C1QTNF7: variants seen among roughly 807,000 people sequenced by gnomAD.
C1QTNF7 encodes the protein C1q and TNF related 7.
Under a neutral mutation model 19.6 loss-of-function variants are expected in C1QTNF7, and 15 were observed. The ratio of observed to expected loss-of-function variants is 0.76; its 90% CI spans 0.51 to 1.18. C1QTNF7 has a LOEUF of 1.18. Ranked by LOEUF, C1QTNF7 falls within the 50% of genes most tolerant of loss-of-function variation. C1QTNF7 has a pLI of 0.00. For missense variants in C1QTNF7, 324 were observed against 359.7 expected (o/e 0.90, Z 0.80); for synonymous variants, 142 against 137.5 (o/e 1.03, Z -0.23).
At chr4:15,438,988 G>C (rs1483915908) in intron 2 of C1QTNF7, among the ~76,000 whole-genome samples, 3 of 152,206 alleles carry the variant, frequency 2.0e-5, no homozygotes, top group Non-Finnish European at 4.4e-5. Context: ...GAAATGGCAT[G>C]GAAGAAGAAA....
intron 1 of C1QTNF7, among the ~76,000 whole-genome samples, chr4:15,365,795 C>T (rs572173578): frequency 6.6e-6 from 1 of 152,170 alleles, no homozygotes; most frequent in Non-Finnish European, 1.5e-5. Flanking sequence ...GCAAAAGGGA[C>T]TCCTCCCTCC....
intron 1 of C1QTNF7, among the ~76,000 whole-genome samples, chr4:15,397,394 C>T (rs916898928): frequency 6.6e-6 from 1 of 152,244 alleles, no homozygotes; most frequent in African/African-American, 2.4e-5. Context: ...CTGCAACCTC[C>T]TGGGCCTAAG....
At chr4:15,361,806 A>G (rs1312973777) in intron 1 of C1QTNF7, among the ~76,000 whole-genome samples, 1 of 152,204 alleles carries the variant, frequency 6.6e-6, no homozygotes, top group Non-Finnish European at 1.5e-5. Context: ...ATTGCTATGT[A>G]TGAGTAGACG....
rs1712847030 is a variant in C1QTNF7, at chr4:15,442,956, A to G, written c.*157A>G. 1 of 699,106 alleles carries G rather than the reference A, an allele frequency of 1.4e-6. No individual in the cohort carries two copies. Among genetic ancestry groups the G allele is most frequent in the Non-Finnish European group, 2.2e-6 (1 of 457,908 alleles). The allele number at this position is 699,106 out of a possible 1,614,324, so 43.3% of individuals were successfully genotyped here. A position where few individuals can be genotyped will look rare whatever the true frequency, so the allele number is the denominator to read the frequency against. On this transcript the variant is annotated 3_prime_UTR_variant, in exon 3 of 3. Transcript: ENST00000444304. ...TATCAAAACAAGATGAAACACAGAA[A>G]AGTTGAAACCACAACAAAATGAATT... is the stretch of plus-strand genomic sequence containing the variant.
intron 1 of C1QTNF7, among the ~76,000 whole-genome samples, chr4:15,385,940 A>G (rs1718320423): frequency 6.6e-6 from 1 of 152,268 alleles, no homozygotes; most frequent in Non-Finnish European, 1.5e-5. Context: ...CACGATAATA[A>G]AATGAAATTA....
intron 1 of C1QTNF7, among the ~76,000 whole-genome samples, chr4:15,384,100 T>G (rs1422721659): frequency 6.6e-6 from 1 of 152,132 alleles, no homozygotes; most frequent in Non-Finnish European, 1.5e-5. Flanking sequence ...CAAGTGAAGA[T>G]GGGTAGGAAT....
At chr4:15,362,585 A>C (rs1474082056) in intron 1 of C1QTNF7, 2 of 152,220 alleles carry the variant, frequency 1.3e-5, no homozygotes, top group Non-Finnish European at 2.9e-5. Context: ...TAAGTGATTA[A>C]AAAATTATAG....
rs185360694 is a variant in C1QTNF7, at chr4:15,399,930, A to G, written c.14-35806A>G. Reference sequence around the variant, plus strand: ...ATATTCCTGTGGGATTAAAAAGACTACTGCCATTATCACATTTTTATGGGT... The same window carrying G: ...ATATTCCTGTGGGATTAAAAAGACTGCTGCCATTATCACATTTTTATGGGT... On this transcript the variant is annotated intron_variant, in intron 1 of 2. Transcript: ENST00000295297. Among the ~76,000 whole-genome samples the G allele has an allele frequency of 4.2e-3, 644 of 152,346 alleles. 6 individuals carry two copies. Among genetic ancestry groups the G allele is most frequent in the Non-Finnish European group, 6.2e-3 (419 of 68,016 alleles).
At chr4:15,403,501 G>A (rs749211817) in intron 1 of C1QTNF7, among the ~76,000 whole-genome samples, 8 of 152,116 alleles carry the variant, frequency 5.3e-5, no homozygotes, top group Non-Finnish European at 1.0e-4. Flanking sequence ...CAATCCTTGG[G>A]GTTTCTGGGA....
chr4:15,368,544 G>T (rs1717611116), intron 1 of C1QTNF7, among the ~76,000 whole-genome samples: 1 of 152,064 alleles, frequency 6.6e-6, no homozygotes, highest in Admixed American at 6.6e-5. Context: ...TGCAGTGTTT[G>T]GTTTTCTGTC....
chr4:15,418,731 G>A (rs901866823), intron 1 of C1QTNF7, among the ~76,000 whole-genome samples: 2 of 152,140 alleles, frequency 1.3e-5, no homozygotes, highest in African/African-American at 4.8e-5. Context: ...AAGACCACAT[G>A]GCCTCAGGCA....
chr4:15,385,896 T>C (rs1370143579), intron 1 of C1QTNF7, among the ~76,000 whole-genome samples: 2 of 152,248 alleles, frequency 1.3e-5, no homozygotes, highest in African/African-American at 4.8e-5. Flanking sequence ...TACATTAGAT[T>C]ACTCTGTTTG....
intron 1 of C1QTNF7, among the ~76,000 whole-genome samples, chr4:15,357,606 T>C (rs1464335479): frequency 6.6e-6 from 1 of 152,216 alleles, no homozygotes; most frequent in Non-Finnish European, 1.5e-5. Flanking sequence ...AAGTAGTTTT[T>C]CTAATTCTGT....
At chr4:15,344,896 C>T (rs190314993) in intron 1 of C1QTNF7, among the ~76,000 whole-genome samples, 67 of 152,296 alleles carry the variant, frequency 4.4e-4, no homozygotes, top group Admixed American at 3.5e-3. Flanking sequence ...TGACTGAGAA[C>T]TTTTTCTGCA....
rs1366835246 is a variant in C1QTNF7 at position 15,444,258 on chromosome 4, T to C, written c.*1459T>C. The C allele has an allele frequency of 6.6e-6, 1 of 152,204 alleles. No individual in the cohort carries two copies. Among genetic ancestry groups the C allele is most frequent in the Non-Finnish European group, 1.5e-5 (1 of 68,040 alleles). 9.4% of individuals were successfully genotyped at this position (152,204 alleles called of 1,614,324 possible). On this transcript the variant is annotated 3_prime_UTR_variant, in exon 3 of 3. Coordinates refer to ENST00000444304, the MANE Select transcript of C1QTNF7 (RefSeq NM_031911.5). ...CTGTGAAGACAGAAGAGTATCAAGATTAATATATTAATAGTATAGCTCTGA... is the reference window on the plus strand; with the variant it reads ...CTGTGAAGACAGAAGAGTATCAAGACTAATATATTAATAGTATAGCTCTGA...
chr4:15,438,850 G>C (rs1481230196), intron 2 of C1QTNF7, among the ~76,000 whole-genome samples: 1 of 152,134 alleles, frequency 6.6e-6, no homozygotes, highest in Non-Finnish European at 1.5e-5. Flanking sequence ...TTAGCCCCTA[G>C]TCCATGACTG....
intron 1 of C1QTNF7, among the ~76,000 whole-genome samples, chr4:15,395,180 T>C (rs1718739181): frequency 6.6e-6 from 1 of 152,074 alleles, no homozygotes; most frequent in South Asian, 2.1e-4. Flanking sequence ...ATAAACAGCT[T>C]AGGACTGGCT....
chr4:15,434,838 A>G (rs1409311442), intron 1 of C1QTNF7, among the ~76,000 whole-genome samples: 2 of 152,158 alleles, frequency 1.3e-5, no homozygotes, highest in Non-Finnish European at 2.9e-5. Context: ...ACAGCTCTTT[A>G]ATTGAGCCCC....
At chr4:15,371,963 C>T (rs1027523410) in intron 1 of C1QTNF7, among the ~76,000 whole-genome samples, 3 of 152,058 alleles carry the variant, frequency 2.0e-5, no homozygotes, top group Admixed American at 1.3e-4. Context: ...CTCAGAATCT[C>T]GGAGAAAAGA....
Sources: allele counts gnomAD v4.1 joint callset (sites outside exome capture counted in the v4.1 genomes callset), GRCh38; gene constraint gnomAD v4.1.1; transcripts MANE v1.5; gene names NCBI Gene and HGNC (gene_info 2026-07-23, HGNC 2026-07-21).